The following NKAIN3 variants were observed in gnomAD, a reference collection of about 807,000 sequenced individuals.
NKAIN3 encodes the protein sodium/potassium-transporting ATPase subunit beta-1-interacting protein 3.
Under a neutral mutation model 30.2 loss-of-function variants are expected in NKAIN3, and 25 were observed. The ratio of observed to expected loss-of-function variants is 0.83; its 90% CI spans 0.60 to 1.16. The LOEUF (loss-of-function observed/expected upper bound fraction) is 1.16, where lower values mean the gene tolerates loss of function less well. NKAIN3 is among the 50% of genes most tolerant of loss of function. The pLI is 0.00. For synonymous variants in NKAIN3, 91 were observed against 89.6 expected (o/e 1.02, Z -0.09); for missense variants, 225 against 254.1 (o/e 0.89, Z 0.78).
chr8:62,505,731 C>T (rs1280140177), intron 1 of NKAIN3, among the ~76,000 whole-genome samples: 1 of 152,082 alleles, frequency 6.6e-6, no homozygotes, highest in African/African-American at 2.4e-5. Context: ...ATTTATTTGG[C>T]ACCAAAGAAT....
intron 1 of NKAIN3, among the ~76,000 whole-genome samples, chr8:62,547,797 C>T (rs1809065478): frequency 1.3e-5 from 2 of 152,174 alleles, no homozygotes; most frequent in African/African-American, 2.4e-5. Context: ...TTGATTGGCA[C>T]ACAATGTGGC....
chr8:62,891,814 C>A (rs1821305662), intron 4 of NKAIN3, among the ~76,000 whole-genome samples: 1 of 152,154 alleles, frequency 6.6e-6, no homozygotes, highest in South Asian at 2.1e-4. Context: ...CTTCTTTTCT[C>A]TTCATCACAC....
At chr8:62,434,066 T>C (rs1292740388) in intron 1 of NKAIN3, among the ~76,000 whole-genome samples, 1 of 152,090 alleles carries the variant, frequency 6.6e-6, no homozygotes, top group Non-Finnish European at 1.5e-5. Flanking sequence ...GTGAGCCTGA[T>C]GCTGAGCATG....
intron 1 of NKAIN3, among the ~76,000 whole-genome samples, chr8:62,335,448 A>AAAAAGAAAGAAAG (rs1554668213): frequency 6.6e-6 from 1 of 150,534 alleles, no homozygotes; most frequent in African/African-American, 2.5e-5. Context: ...AAAAAAAAAA[A>AAAAAGAAAGAAAG]AAAGAAAGAA....
intron 4 of NKAIN3, among the ~76,000 whole-genome samples, chr8:62,773,183 T>C (rs1342133853): frequency 6.6e-6 from 1 of 152,126 alleles, no homozygotes; most frequent in Non-Finnish European, 1.5e-5. Context: ...AGCTTGATGA[T>C]TTGAGATCTT....
intron 3 of NKAIN3, among the ~76,000 whole-genome samples, chr8:62,717,054 T>C (rs897736881): frequency 2.0e-5 from 3 of 152,214 alleles, no homozygotes; most frequent in Non-Finnish European, 4.4e-5. Context: ...GTTTCAATTC[T>C]ACCTTAAAAA....
At chr8:62,534,238 G>C (rs183908447) in intron 1 of NKAIN3, among the ~76,000 whole-genome samples, 18 of 152,240 alleles carry the variant, frequency 1.2e-4, no homozygotes, top group Middle Eastern at 3.4e-3. Flanking sequence ...GAGTTAAACA[G>C]CGACCACACG....
intron 5 of NKAIN3, among the ~76,000 whole-genome samples, chr8:62,995,427 AT>A (rs1804089643): frequency 6.6e-6 from 1 of 152,224 alleles, no homozygotes; most frequent in Non-Finnish European, 1.5e-5. Flanking sequence ...GTATAGATGA[AT>A]GCTACAGTAG....
intron 5 of NKAIN3, among the ~76,000 whole-genome samples, chr8:62,923,141 A>G (rs569258660): frequency 6.6e-6 from 1 of 152,178 alleles, no homozygotes; most frequent in South Asian, 2.1e-4. Flanking sequence ...TACCAAAAAT[A>G]CAAAAACATA....
intron 1 of NKAIN3, among the ~76,000 whole-genome samples, chr8:62,339,563 A>G (rs1322766207): frequency 2.0e-5 from 3 of 152,068 alleles, no homozygotes. Context: ...GACACCTTAA[A>G]TTTAAATTAA....
At chr8:62,848,641 T>C (rs1165330056) in intron 4 of NKAIN3, among the ~76,000 whole-genome samples, 2 of 152,196 alleles carry the variant, frequency 1.3e-5, no homozygotes, top group South Asian at 2.1e-4. Flanking sequence ...CCTCTCTTCC[T>C]ATTTGAATCC....
At chr8:62,962,144 C>T (rs767517825) in intron 6 of NKAIN3, among the ~76,000 whole-genome samples, 3 of 152,100 alleles carry the variant, frequency 2.0e-5, no homozygotes, top group Non-Finnish European at 4.4e-5. Flanking sequence ...CAAGAAACTA[C>T]TTATGTATCC....
At chr8:62,996,311 A>G (rs1804112046) in intron 5 of NKAIN3, among the ~76,000 whole-genome samples, 1 of 150,450 alleles carries the variant, frequency 6.6e-6, no homozygotes. Context: ...TGCCCCTTTT[A>G]AAACCATCAG....
chr8:62,720,051 CG>C (rs959824859), intron 3 of NKAIN3, among the ~76,000 whole-genome samples: 2 of 151,918 alleles, frequency 1.3e-5, no homozygotes, highest in Admixed American at 1.3e-4. Flanking sequence ...GCCACTGCGC[CG>C]GGCCGATATT....
intron 6 of NKAIN3, among the ~76,000 whole-genome samples, chr8:62,962,449 A>T (rs1433877120): frequency 6.6e-6 from 1 of 152,216 alleles, no homozygotes; most frequent in South Asian, 2.1e-4. Flanking sequence ...AATTTTTGTC[A>T]ATTTTGATAG....
At chr8:62,928,809 A>T (rs1183698598) in intron 5 of NKAIN3, among the ~76,000 whole-genome samples, 3 of 152,220 alleles carry the variant, frequency 2.0e-5, no homozygotes, top group Non-Finnish European at 4.4e-5. Context: ...AAGGTTGACC[A>T]TATAATTTGA....
At chr8:62,372,971 G>T (rs962174959) in intron 1 of NKAIN3, among the ~76,000 whole-genome samples, 15 of 152,102 alleles carry the variant, frequency 9.9e-5, no homozygotes, top group Non-Finnish European at 2.2e-4. Flanking sequence ...AGCAAATTCT[G>T]CAAAGCAACT....
chr8:62,504,783 C>T (rs1807578495), intron 1 of NKAIN3, among the ~76,000 whole-genome samples: 1 of 152,134 alleles, frequency 6.6e-6, no homozygotes, highest in South Asian at 2.1e-4. Flanking sequence ...GTCAATCTCC[C>T]TTACAGTGTT....
At chr8:62,594,981 T>G (rs1321166549) in intron 3 of NKAIN3, among the ~76,000 whole-genome samples, 1 of 151,942 alleles carries the variant, frequency 6.6e-6, no homozygotes, top group Non-Finnish European at 1.5e-5. Context: ...CATTTTTGCT[T>G]CAAACATTTG....
Sources: gnomAD v4.1 joint callset for allele counts (sites outside exome capture counted in the v4.1 genomes callset) on GRCh38, gnomAD v4.1.1 for gene constraint, MANE v1.5 for transcripts, NCBI Gene and HGNC (gene_info 2026-07-23, HGNC 2026-07-21) for gene names.